The following CACNB2 variants were observed in gnomAD, a reference collection of about 807,000 sequenced individuals.
CACNB2 encodes voltage-dependent L-type calcium channel subunit beta-2.
A neutral mutation model predicts 73.3 loss-of-function variants in CACNB2; 42 were observed. The ratio of observed to expected loss-of-function variants is 0.57; its 90% CI spans 0.45 to 0.74. The LOEUF is 0.74. Ranked by LOEUF, CACNB2 falls within the 30% of genes least tolerant of loss-of-function variation. The pLI is 0.00. For missense variants in CACNB2, 940 were observed against 853.0 expected (o/e 1.10, Z -1.27); for synonymous variants, 348 against 310.3 (o/e 1.12, Z -1.28).
Position 18,173,009 on chromosome 10 carries a change from C to T in CACNB2, c.213+22034C>T, listed in dbSNP as rs151327975. 3.1e-3 allele frequency among the ~76,000 whole-genome samples: 465 copies of T among 149,872 alleles called. 4 individuals carry two copies. The highest frequency in any genetic ancestry group is 0.011 in the African/African-American group (435 of 40,656). On this transcript the variant is annotated intron_variant, in intron 2 of 13. Transcript: ENST00000324631. Reference sequence around the variant, plus strand: ...GATCTCAGCGCACTGCAACCTACACCTCCCAGGTTCAAGTGATTCTCCTGC... The same window carrying T: ...GATCTCAGCGCACTGCAACCTACACTTCCCAGGTTCAAGTGATTCTCCTGC...
At chr10:18,303,623 A>T (rs2039615476) in intron 2 of CACNB2, among the ~76,000 whole-genome samples, 1 of 152,214 alleles carries the variant, frequency 6.6e-6, no homozygotes, top group African/African-American at 2.4e-5. Context: ...AAGCTGTGCA[A>T]CCCGTATGAA....
At chr10:18,452,656 C>T (rs967484032) in intron 3 of CACNB2, among the ~76,000 whole-genome samples, 2 of 152,196 alleles carry the variant, frequency 1.3e-5, no homozygotes, top group African/African-American at 4.8e-5. Context: ...GCCATCCTCC[C>T]ACCTTGGCCT....
chr10:18,263,635 C>T (rs948048436), intron 2 of CACNB2, among the ~76,000 whole-genome samples: 11 of 152,190 alleles, frequency 7.2e-5, no homozygotes, highest in African/African-American at 2.7e-4. Flanking sequence ...TCCTCCTACT[C>T]AAACATTGTC....
chr10:18,281,412 C>T (rs545748081), intron 2 of CACNB2, among the ~76,000 whole-genome samples: 14 of 152,280 alleles, frequency 9.2e-5, no homozygotes, highest in African/African-American at 3.4e-4. Context: ...CACTTACCCT[C>T]AAGGGGATTG....
At chr10:18,524,876 A>AG (rs1750594773) in intron 9 of CACNB2, among the ~76,000 whole-genome samples, 1 of 150,338 alleles carries the variant, frequency 6.7e-6, no homozygotes, top group Non-Finnish European at 1.5e-5. Context: ...AAAAAAAAAA[A>AG]AAAATTAGCT....
intron 3 of CACNB2, among the ~76,000 whole-genome samples, chr10:18,489,947 G>A (rs1050812334): frequency 3.3e-5 from 5 of 152,042 alleles, no homozygotes; most frequent in Non-Finnish European, 4.4e-5. Context: ...GCGTGATCAT[G>A]GCTCACTGCA....
At chr10:18,380,746 C>T (rs892713278) in intron 2 of CACNB2, among the ~76,000 whole-genome samples, 5 of 151,820 alleles carry the variant, frequency 3.3e-5, no homozygotes, top group South Asian at 2.1e-4. Context: ...TGAGCCACCA[C>T]GCCCCGCCAA....
chr10:18,301,502 G>A lies in CACNB2; in HGVS notation c.214-100422G>A, dbSNP rs573281042. 1.3e-3 allele frequency among the ~76,000 whole-genome samples: 195 copies of A among 152,064 alleles called. 1 individual carries two copies. The highest frequency in any genetic ancestry group is 4.4e-3 in the African/African-American group (184 of 41,512). On this transcript the variant is annotated intron_variant, in intron 2 of 13. Coordinates refer to ENST00000324631, the MANE Select transcript of CACNB2 (RefSeq NM_201596.3). The stretch of plus-strand genomic sequence containing the variant: ...CCCAGCTACTCAGGAGGCTGAGGTG[G>A]GAGGATCATTTGAGCCCAGGAGTTT...
intron 2 of CACNB2, among the ~76,000 whole-genome samples, chr10:18,153,563 C>CTTATTTATTTATTTATTTAT (rs57218845): frequency 2.4e-4 from 34 of 142,744 alleles, no homozygotes; most frequent in African/African-American, 7.1e-4. Flanking sequence ...CTAGATTTTA[C>CTTATTTATTTATTTATTTAT]TTATTTATTT....
intron 2 of CACNB2, among the ~76,000 whole-genome samples, chr10:18,389,240 A>G (rs1010402411): frequency 6.6e-6 from 1 of 152,142 alleles, no homozygotes; most frequent in African/African-American, 2.4e-5. Context: ...GAGCTCAGGC[A>G]GTCCTCCTGC....
chr10:18,212,927 C>T (rs577472479), intron 2 of CACNB2, among the ~76,000 whole-genome samples: 13 of 152,264 alleles, frequency 8.5e-5, no homozygotes, highest in South Asian at 8.3e-4. Context: ...TATATGACCT[C>T]GGATCAAATG....
chr10:18,239,772 G>A (rs1389059939), intron 2 of CACNB2, among the ~76,000 whole-genome samples: 1 of 152,080 alleles, frequency 6.6e-6, no homozygotes, highest in African/African-American at 2.4e-5. Flanking sequence ...AGTTAATCAT[G>A]GATCTTAGTT....
At chr10:18,413,096 A>T (rs946575164) in intron 3 of CACNB2, among the ~76,000 whole-genome samples, 2 of 152,204 alleles carry the variant, frequency 1.3e-5, no homozygotes, top group Middle Eastern at 3.4e-3. Flanking sequence ...TCAGCCTTCC[A>T]AGTAGCTGGG....
chr10:18,365,927 G>C (rs1278827979), intron 2 of CACNB2, among the ~76,000 whole-genome samples: 1 of 152,182 alleles, frequency 6.6e-6, no homozygotes, highest in African/African-American at 2.4e-5. Context: ...GGCCTGTGGA[G>C]GGTAGGAATT....
At chr10:18,380,840 G>A (rs1206355544) in intron 2 of CACNB2, among the ~76,000 whole-genome samples, 2 of 152,048 alleles carry the variant, frequency 1.3e-5, no homozygotes, top group African/African-American at 4.8e-5. Context: ...AAGATGAATA[G>A]GAAAGGAGAT....
intron 3 of CACNB2, among the ~76,000 whole-genome samples, chr10:18,473,694 G>C (rs533457221): frequency 6.6e-6 from 1 of 152,198 alleles, no homozygotes; most frequent in African/African-American, 2.4e-5. Context: ...GAGAATTCAC[G>C]TAACTTGCTT....
chr10:18,340,521 A>T (rs2041187644), intron 2 of CACNB2, among the ~76,000 whole-genome samples: 1 of 152,202 alleles, frequency 6.6e-6, no homozygotes, highest in East Asian at 1.9e-4. Context: ...TTCTGAAGAA[A>T]GGATTCTCGA....
At chr10:18,220,404 C>G (rs1395941457) in intron 2 of CACNB2, among the ~76,000 whole-genome samples, 1 of 148,814 alleles carries the variant, frequency 6.7e-6, no homozygotes, top group Non-Finnish European at 1.5e-5. Context: ...CGACTACAGG[C>G]ACCTGCCACC....
intron 2 of CACNB2, among the ~76,000 whole-genome samples, chr10:18,165,830 A>G (rs966695831): frequency 1.3e-5 from 2 of 152,216 alleles, no homozygotes; most frequent in African/African-American, 2.4e-5. Context: ...AAAGGGCAGT[A>G]TGTTTATTAA....
Sources: allele counts gnomAD v4.1 joint callset (sites outside exome capture counted in the v4.1 genomes callset), GRCh38; gene constraint gnomAD v4.1.1; transcripts MANE v1.5; gene names NCBI Gene and HGNC (gene_info 2026-07-23, HGNC 2026-07-21).